DLG2: variants seen among roughly 807,000 people sequenced by gnomAD.
The protein encoded by DLG2 is discs large MAGUK scaffold protein 2, also known as disks large homolog 2.
In DLG2, 45 loss-of-function variants were observed where a neutral mutation model predicts 132.5. That is an observed-to-expected ratio of 0.34 (90% CI 0.27 to 0.44). The LOEUF (loss-of-function observed/expected upper bound fraction) is 0.44, where lower values mean the gene tolerates loss of function less well. DLG2 is among the 20% of genes least tolerant of loss of function. The pLI, the probability that DLG2 is intolerant of heterozygous loss-of-function variation, is 1.00. For missense variants in DLG2, 1,045 were observed against 1,196.9 expected (o/e 0.87, Z 1.87); for synonymous variants, 424 against 419.6 (o/e 1.01, Z -0.13).
At chr11:85,372,423 A>G (rs1048378059) in intron 3 of DLG2, among the ~76,000 whole-genome samples, 1 of 152,242 alleles carries the variant, frequency 6.6e-6, no homozygotes, top group Admixed American at 6.5e-5. Context: ...TAAGGAGTCC[A>G]TGCAACCCCC....
chr11:84,863,431 A>G (rs2084061020), intron 6 of DLG2, among the ~76,000 whole-genome samples: 1 of 152,126 alleles, frequency 6.6e-6, no homozygotes, highest in South Asian at 2.1e-4. Context: ...TTATCCTGTG[A>G]CATATATTAA....
intron 3 of DLG2, among the ~76,000 whole-genome samples, chr11:85,305,396 A>C (rs917274994): frequency 6.6e-6 from 1 of 152,186 alleles, no homozygotes; most frequent in South Asian, 2.1e-4. Context: ...CTTGTCACCA[A>C]CGAAACAGTA....
chr11:83,885,331 G>A (rs1041117098), intron 15 of DLG2, among the ~76,000 whole-genome samples: 3 of 152,150 alleles, frequency 2.0e-5, no homozygotes, highest in Admixed American at 6.5e-5. Flanking sequence ...GTGATCAACT[G>A]GAAGAAAGGG....
chr11:83,924,810 A>G (rs144700135), intron 15 of DLG2, among the ~76,000 whole-genome samples: 155 of 152,290 alleles, frequency 1.0e-3, no homozygotes, highest in Admixed American at 2.9e-3. Flanking sequence ...TATGATTTCT[A>G]CAAAGGTGGT....
rs58905339 is a variant in DLG2 at position 84,201,808 on chromosome 11, C to CTT, written c.574-38299_574-38298dup. 4.4e-3 allele frequency among the ~76,000 whole-genome samples: 283 copies of CTT among 64,610 alleles called. 31 individuals carry two copies. The highest frequency in any genetic ancestry group is 5.9e-3 in the Non-Finnish European group (223 of 37,870). The allele number at this position is 64,610 out of a possible 152,430, so 42.4% of individuals were successfully genotyped here. A position where few individuals can be genotyped will look rare whatever the true frequency, so the allele number is the denominator to read the frequency against. ...TCACAGAGTTAGAAGAAACTATTTT[C>CTT]TTTTTTTTTTTTTTTTTTTTTTTTT... On this transcript the variant is annotated intron_variant, in intron 8 of 27. Coordinates refer to ENST00000376104, the MANE Select transcript of DLG2 (RefSeq NM_001142699.3).
intron 11 of DLG2, among the ~76,000 whole-genome samples, chr11:83,985,543 T>C (rs1361364468): frequency 6.6e-6 from 1 of 152,034 alleles, no homozygotes; most frequent in Non-Finnish European, 1.5e-5. Flanking sequence ...GTGTGTGTTG[T>C]TTTCCTCCAT....
At chr11:84,950,865 A>C (rs1478712939) in intron 6 of DLG2, among the ~76,000 whole-genome samples, 1 of 152,218 alleles carries the variant, frequency 6.6e-6, no homozygotes, top group Non-Finnish European at 1.5e-5. Context: ...CTAGAAAAAA[A>C]AACTAAACTG....
chr11:85,190,862 G>A (rs1327029368), intron 4 of DLG2, among the ~76,000 whole-genome samples: 1 of 152,182 alleles, frequency 6.6e-6, no homozygotes, highest in Non-Finnish European at 1.5e-5. Context: ...AATGACAGAT[G>A]TTGGTGATGT....
chr11:83,778,672 G>A lies in DLG2; in HGVS notation c.1825+8018C>T, dbSNP rs151102964. 4.4e-3 allele frequency among the ~76,000 whole-genome samples: 664 copies of A among 152,140 alleles called. 6 individuals carry two copies. Among genetic ancestry groups the A allele is most frequent in the African/African-American group, 0.014 (569 of 41,504 alleles). On this transcript the variant is annotated intron_variant, in intron 18 of 27. Transcript: ENST00000376104. ...GAGATGAAGAGAGTTTTCTAATTTA[G>A]GAGTTAGGAAGTGATACCTGCTTTT...
chr11:84,925,326 A>G (rs2092936733), intron 6 of DLG2, among the ~76,000 whole-genome samples: 1 of 152,192 alleles, frequency 6.6e-6, no homozygotes, highest in South Asian at 2.1e-4. Context: ...TGTCAAGGCT[A>G]TCAGGGAGGA....
chr11:84,899,136 T>C (rs906490949), intron 6 of DLG2, among the ~76,000 whole-genome samples: 1 of 152,044 alleles, frequency 6.6e-6, no homozygotes, highest in African/African-American at 2.4e-5. Context: ...TAAATAAAAC[T>C]GATATTTCAC....
chr11:84,770,422 G>C (rs1003433763), intron 6 of DLG2, among the ~76,000 whole-genome samples: 1 of 151,826 alleles, frequency 6.6e-6, no homozygotes, highest in Non-Finnish European at 1.5e-5. Context: ...ACCAGGCCTA[G>C]TATCCAATGG....
At chr11:83,685,211 A>T (rs2079526896) in intron 18 of DLG2, among the ~76,000 whole-genome samples, 1 of 152,202 alleles carries the variant, frequency 6.6e-6, no homozygotes, top group Non-Finnish European at 1.5e-5. Context: ...GTCTAAGACC[A>T]CAGCACCTGT....
intron 3 of DLG2, among the ~76,000 whole-genome samples, chr11:85,495,985 C>G (rs554633218): frequency 1.3e-5 from 2 of 152,136 alleles, no homozygotes; most frequent in Non-Finnish European, 2.9e-5. Flanking sequence ...GTGAGATCGA[C>G]GCAGAAGACA....
At chr11:83,525,317 T>C (rs1419851548) in intron 21 of DLG2, among the ~76,000 whole-genome samples, 1 of 152,130 alleles carries the variant, frequency 6.6e-6, no homozygotes, top group Admixed American at 6.6e-5. Flanking sequence ...GCTCAGGTGG[T>C]TCTCAGTGGA....
intron 6 of DLG2, among the ~76,000 whole-genome samples, chr11:84,747,851 T>C (rs2065581962): frequency 6.6e-6 from 1 of 152,210 alleles, no homozygotes; most frequent in Non-Finnish European, 1.5e-5. Context: ...GATGTCTGAA[T>C]AGTCAACTTG....
At chr11:83,666,738 C>T (rs1449304017) in intron 18 of DLG2, among the ~76,000 whole-genome samples, 3 of 152,112 alleles carry the variant, frequency 2.0e-5, no homozygotes, top group Non-Finnish European at 2.9e-5. Context: ...CACAAGACTC[C>T]ACCATGAGTT....
At chr11:84,392,864 A>C (rs1311053037) in intron 7 of DLG2, among the ~76,000 whole-genome samples, 1 of 152,122 alleles carries the variant, frequency 6.6e-6, no homozygotes, top group Non-Finnish European at 1.5e-5. Context: ...CATGTTCTTC[A>C]CCCTTCGGCT....
intron 3 of DLG2, among the ~76,000 whole-genome samples, chr11:85,397,574 A>G (rs2087535210): frequency 6.6e-6 from 1 of 152,186 alleles, no homozygotes; most frequent in Non-Finnish European, 1.5e-5. Flanking sequence ...AAATAAAGGG[A>G]TGGAGGAAGA....
Sources: allele counts gnomAD v4.1 joint callset (sites outside exome capture counted in the v4.1 genomes callset), GRCh38; gene constraint gnomAD v4.1.1; transcripts MANE v1.5; gene names NCBI Gene and HGNC (gene_info 2026-07-23, HGNC 2026-07-21).